CACNB4: variants seen among roughly 807,000 people sequenced by gnomAD.
The protein encoded by CACNB4 is voltage-dependent L-type calcium channel subunit beta-4.
A neutral mutation model predicts 71.2 loss-of-function variants in CACNB4; 32 were observed. The observed-to-expected ratio is 0.45, with a 90% CI of 0.34 to 0.60. The LOEUF is 0.60. Among genes scored for constraint, CACNB4 ranks in the 20% least tolerant of loss-of-function variants. The pLI, the probability that CACNB4 is intolerant of heterozygous loss-of-function variation, is 0.01. For synonymous variants in CACNB4, 231 were observed against 236.9 expected, an observed-to-expected ratio of 0.97 and a Z score of 0.23; for missense variants, 464 against 647.9, an observed-to-expected ratio of 0.72 and a Z score of 3.08.
chr2:151,930,394 T>C (rs558846431), intron 2 of CACNB4, among the ~76,000 whole-genome samples: 4 of 152,142 alleles, frequency 2.6e-5, no homozygotes, highest in African/African-American at 9.7e-5. Flanking sequence ...GAATAAAGTA[T>C]ATAAAACTAA....
rs1209640660 is a variant in CACNB4 at position 151,840,839 on chromosome 2, T to C, written c.1302+1064A>G. Among the ~76,000 whole-genome samples the C allele has an allele frequency of 2.6e-5, 4 of 152,332 alleles. 1 individual carries two copies. The highest frequency in any genetic ancestry group is 2.1e-4 in the South Asian group (1 of 4,828). On this transcript the variant is annotated intron_variant, in intron 13 of 13. Transcript: ENST00000539935. The stretch of plus-strand genomic sequence containing the variant: ...CTCATCATGATACAAGAGGGCTCAA[T>C]TGACTACATGTTCCTCAGTTTGCTG...
At chr2:152,044,499 T>G (rs555226783) in intron 2 of CACNB4, among the ~76,000 whole-genome samples, 1 of 152,284 alleles carries the variant, frequency 6.6e-6, no homozygotes, top group East Asian at 1.9e-4. Flanking sequence ...ATTACAGGCG[T>G]GAGCCACCGC....
intron 2 of CACNB4, among the ~76,000 whole-genome samples, chr2:151,929,717 A>T (rs10930839): frequency 6.6e-6 from 1 of 152,054 alleles, no homozygotes; most frequent in Non-Finnish European, 1.5e-5. Context: ...TAAAACTAAT[A>T]GTTTCCTTTT....
chr2:152,023,998 T>C (rs1272246479), intron 2 of CACNB4, among the ~76,000 whole-genome samples: 1 of 152,172 alleles, frequency 6.6e-6, no homozygotes, highest in Non-Finnish European at 1.5e-5. Context: ...GCTTAAAATA[T>C]CAGGAGCACC....
chr2:151,969,216 C>T (rs2099871912), intron 2 of CACNB4: 1 of 152,194 alleles, frequency 6.6e-6, no homozygotes, highest in Admixed American at 6.5e-5. Flanking sequence ...GATCAGTCCT[C>T]ATTCTCTATA....
chr2:151,896,202 G>A (rs1348443701), intron 2 of CACNB4, among the ~76,000 whole-genome samples: 1 of 152,196 alleles, frequency 6.6e-6, no homozygotes, highest in South Asian at 2.1e-4. Flanking sequence ...CCCCAACAGA[G>A]ACTATATTAG....
intron 2 of CACNB4, among the ~76,000 whole-genome samples, chr2:151,937,745 G>A (rs1248507806): frequency 6.6e-6 from 1 of 152,132 alleles, no homozygotes. Context: ...CATATTTGAT[G>A]GCTGCTAAAT....
At chr2:151,964,441 A>G (rs2099870525) in intron 2 of CACNB4, among the ~76,000 whole-genome samples, 1 of 152,196 alleles carries the variant, frequency 6.6e-6, no homozygotes, top group African/African-American at 2.4e-5. Context: ...GCAGATTAGG[A>G]TGTCATCAAG....
chr2:151,869,042 T>G lies in CACNB4; in HGVS notation c.758+135A>C, dbSNP rs1026881805. Reference sequence around the variant, plus strand: ...ATATTTTCAGAGTTCTTTTATTATATTCTTCCCAAGAATACTGAGTTAACT... The same window carrying G: ...ATATTTTCAGAGTTCTTTTATTATAGTCTTCCCAAGAATACTGAGTTAACT... On this transcript the variant is annotated intron_variant, in intron 9 of 13. Transcript: ENST00000539935. 74 of 609,662 alleles carry G rather than the reference T, an allele frequency of 1.2e-4. 1 individual carries two copies. Among genetic ancestry groups the G allele is most frequent in the Non-Finnish European group, 8.8e-6 (3 of 339,980 alleles). The allele number at this position is 609,662 out of a possible 1,614,324, so 37.8% of individuals were successfully genotyped here.
intron 2 of CACNB4, among the ~76,000 whole-genome samples, chr2:152,078,540 A>G (rs1687166188): frequency 6.6e-6 from 1 of 152,228 alleles, no homozygotes. Context: ...TAGAGACTGC[A>G]TTTCTCAGCC....
Position 151,882,835 on chromosome 2 carries a change from C to T in CACNB4, c.267+416G>A, listed in dbSNP as rs373639524. Among the ~76,000 whole-genome samples the T allele has an allele frequency of 2.2e-4, 34 of 152,232 alleles. No homozygotes were observed. The South Asian group carries it at 6.6e-3, about 30-fold the overall frequency. On this transcript the variant is annotated intron_variant, in intron 3 of 13. Coordinates refer to ENST00000539935, the MANE Select transcript of CACNB4 (RefSeq NM_000726.5). ...TGAACTTGAGGTGGGATACTGAAAG[C>T]GAGAGAGAAGAGTAGAGAAACAAAC... is the stretch of plus-strand genomic sequence containing the variant.
At position 151,913,662 on chromosome 2, in the gene CACNB4, A is replaced by C. The variant is rs1011642650; in HGVS notation, c.148-30292T>G. Among the ~76,000 whole-genome samples, 3 of 149,054 alleles carry C rather than the reference A, an allele frequency of 2.0e-5. No individual in the cohort carries two copies. In the Admixed American group the frequency reaches 2.0e-4, roughly 10 times the overall value. On this transcript the variant is annotated intron_variant, in intron 2 of 13. Coordinates refer to ENST00000539935, the MANE Select transcript of CACNB4 (RefSeq NM_000726.5). Reference sequence around the variant, plus strand: ...GTATCTGTAGTCCCAGCTACTCAGGAGGCTGAGGCAGGCGAATGGCATGAA... The same window carrying C: ...GTATCTGTAGTCCCAGCTACTCAGGCGGCTGAGGCAGGCGAATGGCATGAA...
intron 2 of CACNB4, among the ~76,000 whole-genome samples, chr2:151,889,187 G>A (rs897282979): frequency 5.9e-5 from 9 of 152,126 alleles, no homozygotes; most frequent in Admixed American, 4.6e-4. Context: ...AGTTGCATTT[G>A]GCCAGGTGTG....
At chr2:151,946,949 TTCTGG>T (rs2099865755) in intron 2 of CACNB4, among the ~76,000 whole-genome samples, 1 of 152,140 alleles carries the variant, frequency 6.6e-6, no homozygotes, top group Non-Finnish European at 1.5e-5. Flanking sequence ...TCTGAGTAAA[TTCTGG>T]TGTCCTGTGC....
At chr2:151,849,696 T>C (rs188065862) in intron 12 of CACNB4, among the ~76,000 whole-genome samples, 137 of 152,348 alleles carry the variant, frequency 9.0e-4, no homozygotes, top group Non-Finnish European at 1.7e-3. Context: ...TAAGAGCCTG[T>C]ATTCAAAAAG....
intron 2 of CACNB4, among the ~76,000 whole-genome samples, chr2:151,951,564 T>C (rs1162770455): frequency 6.6e-6 from 1 of 152,176 alleles, no homozygotes; most frequent in African/African-American, 2.4e-5. Context: ...GAGAATGAGA[T>C]ATATCATAAG....
intron 2 of CACNB4, among the ~76,000 whole-genome samples, chr2:151,907,809 A>G (rs2099855170): frequency 6.6e-6 from 1 of 152,226 alleles, no homozygotes; most frequent in South Asian, 2.1e-4. Flanking sequence ...CACAGCAAGG[A>G]AAGTCCTCTT....
chr2:151,869,378 G>C, intron 8 of CACNB4, 143 bp from the exon 9 acceptor site: 2 of 582,904 alleles, frequency 3.4e-6, no homozygotes, highest in East Asian at 5.9e-5. Flanking sequence ...AGGTTACCAT[G>C]GAAGGTGTTT....
intron 2 of CACNB4, among the ~76,000 whole-genome samples, chr2:152,029,181 T>C (rs1211617935): frequency 6.6e-6 from 1 of 152,042 alleles, no homozygotes; most frequent in Non-Finnish European, 1.5e-5. Flanking sequence ...CATGATGAGA[T>C]TAGGGTTCTT....
Sources: gnomAD v4.1 joint callset for allele counts (sites outside exome capture counted in the v4.1 genomes callset) on GRCh38, gnomAD v4.1.1 for gene constraint, MANE v1.5 for transcripts, NCBI Gene and HGNC (gene_info 2026-07-23, HGNC 2026-07-21) for gene names.